RUNX2: variants seen among roughly 807,000 people sequenced by gnomAD.
RUNX2 encodes the protein runt-related transcription factor 2.
In RUNX2, 10 loss-of-function variants were observed where a neutral mutation model predicts 51.7. That is an observed-to-expected ratio of 0.19 (90% CI 0.12 to 0.33). The LOEUF is 0.33. Among genes scored for constraint, RUNX2 ranks in the 10% least tolerant of loss-of-function variants. RUNX2 has a pLI of 1.00. For synonymous variants in RUNX2, 276 were observed against 273.6 expected, an observed-to-expected ratio of 1.01 and a Z score of -0.09; for missense variants, 562 against 691.3, an observed-to-expected ratio of 0.81 and a Z score of 2.10.
intron 2 of RUNX2, among the ~76,000 whole-genome samples, chr6:45,401,904 A>G (rs1210491349): frequency 1.3e-5 from 2 of 152,220 alleles, no homozygotes; most frequent in African/African-American, 2.4e-5. Flanking sequence ...ATCCTTGTCA[A>G]CCACTCAGTG....
At chr6:45,335,565 G>A (rs1788379472) in intron 2 of RUNX2, among the ~76,000 whole-genome samples, 1 of 151,128 alleles carries the variant, frequency 6.6e-6, no homozygotes, top group African/African-American at 2.4e-5. Flanking sequence ...TAAACTGTCA[G>A]ATTACAGATA....
chr6:45,456,021 G>A (rs1381184651), intron 5 of RUNX2, among the ~76,000 whole-genome samples: 1 of 152,052 alleles, frequency 6.6e-6, no homozygotes, highest in Non-Finnish European at 1.5e-5. Context: ...GCTCAGTGCT[G>A]CCAATTATTT....
chr6:45,498,955 G>T (rs761384557), intron 6 of RUNX2, among the ~76,000 whole-genome samples: 5 of 152,178 alleles, frequency 3.3e-5, no homozygotes, highest in Admixed American at 6.5e-5. Flanking sequence ...GTGGGCCTGG[G>T]GTGATGTTGG....
chr6:45,455,664 G>A (rs1043901989), intron 5 of RUNX2, among the ~76,000 whole-genome samples: 1 of 152,182 alleles, frequency 6.6e-6, no homozygotes, highest in Non-Finnish European at 1.5e-5. Context: ...AGCACAGTGT[G>A]AAGTGTGATG....
chr6:45,479,373 T>C (rs888742859), intron 5 of RUNX2, among the ~76,000 whole-genome samples: 2 of 152,196 alleles, frequency 1.3e-5, no homozygotes, highest in Admixed American at 6.5e-5. Context: ...AAGGTACGTT[T>C]CTATTGCAAA....
At chr6:45,454,371 A>G (rs1316185090) in intron 5 of RUNX2, among the ~76,000 whole-genome samples, 2 of 152,252 alleles carry the variant, frequency 1.3e-5, no homozygotes, top group Non-Finnish European at 2.9e-5. Context: ...CTGAAGGATG[A>G]AATGTAGCTT....
intron 2 of RUNX2, among the ~76,000 whole-genome samples, chr6:45,354,349 A>G (rs927431800): frequency 6.6e-6 from 1 of 152,218 alleles, no homozygotes; most frequent in African/African-American, 2.4e-5. Flanking sequence ...AAAAAAGGAC[A>G]GTTGCCAAAA....
At chr6:45,330,522 AACAAC>A (rs755800862) in intron 2 of RUNX2, among the ~76,000 whole-genome samples, 1 of 152,008 alleles carries the variant, frequency 6.6e-6, no homozygotes, top group Non-Finnish European at 1.5e-5. Context: ...CCAGATCAGG[AACAAC>A]ACAAGTTTCA....
intron 5 of RUNX2, among the ~76,000 whole-genome samples, chr6:45,470,519 T>C (rs886095022): frequency 6.6e-6 from 1 of 152,208 alleles, no homozygotes; most frequent in Non-Finnish European, 1.5e-5. Flanking sequence ...AAGTGTATGA[T>C]AAATGTCACA....
chr6:45,498,446 C>T (rs1254569064), intron 6 of RUNX2, among the ~76,000 whole-genome samples: 1 of 152,130 alleles, frequency 6.6e-6, no homozygotes, highest in Non-Finnish European at 1.5e-5. Context: ...TCCTGCAGGA[C>T]TAATTTCTTT....
At chr6:45,399,048 T>G (rs542077444) in intron 2 of RUNX2, among the ~76,000 whole-genome samples, 11 of 152,330 alleles carry the variant, frequency 7.2e-5, no homozygotes, top group African/African-American at 2.4e-4. Context: ...ATCATTGAGC[T>G]ACCTGTAACA....
At chr6:45,416,554 A>G (rs1582088095) in intron 2 of RUNX2, among the ~76,000 whole-genome samples, 1 of 152,202 alleles carries the variant, frequency 6.6e-6, no homozygotes, top group East Asian at 1.9e-4. Flanking sequence ...GACCTCTGTA[A>G]ACTTTTATAT....
chr6:45,395,912 G>A (rs1221195570), intron 2 of RUNX2, among the ~76,000 whole-genome samples: 1 of 151,998 alleles, frequency 6.6e-6, no homozygotes, highest in African/African-American at 2.4e-5. Flanking sequence ...GTGATCCACT[G>A]GCCTCGGCCT....
intron 6 of RUNX2, among the ~76,000 whole-genome samples, chr6:45,511,578 ATGAGAGTAACGTAAC>A (rs980147234): frequency 4.1e-4 from 62 of 152,246 alleles, no homozygotes; most frequent in African/African-American, 1.4e-3. Flanking sequence ...TAGCTTTAGC[ATGAGAGTAACGTAAC>A]TGGCTTCCCT....
intron 2 of RUNX2, among the ~76,000 whole-genome samples, chr6:45,404,976 ATT>A (rs1342914341): frequency 6.6e-6 from 1 of 152,246 alleles, no homozygotes; most frequent in Admixed American, 6.5e-5. Flanking sequence ...AAAATTTTTC[ATT>A]GAGAGGAGTT....
At chr6:45,340,181 C>T (rs1177519548) in intron 2 of RUNX2, among the ~76,000 whole-genome samples, 1 of 152,060 alleles carries the variant, frequency 6.6e-6, no homozygotes, top group African/African-American at 2.4e-5. Flanking sequence ...AGTTATTAAA[C>T]CAATAAAATA....
At chr6:45,450,043 T>C (rs1010417020) in intron 5 of RUNX2, among the ~76,000 whole-genome samples, 7 of 152,182 alleles carry the variant, frequency 4.6e-5, no homozygotes, top group African/African-American at 1.2e-4. Context: ...TTATGAAAGA[T>C]AACAGAAGTT....
chr6:45,373,913 C>T (rs1796433754), intron 2 of RUNX2, among the ~76,000 whole-genome samples: 1 of 152,202 alleles, frequency 6.6e-6, no homozygotes, highest in Non-Finnish European at 1.5e-5. Context: ...CTATTATACA[C>T]TATCCATGCT....
intron 7 of RUNX2, among the ~76,000 whole-genome samples, chr6:45,533,163 G>C (rs1801917082): frequency 1.3e-5 from 2 of 151,638 alleles, no homozygotes; most frequent in Non-Finnish European, 2.9e-5. Context: ...TGTGTGTTGA[G>C]AGGGGAATGT....
Sources: gnomAD v4.1 joint callset for allele counts (sites outside exome capture counted in the v4.1 genomes callset) on GRCh38, gnomAD v4.1.1 for gene constraint, MANE v1.5 for transcripts, NCBI Gene and HGNC (gene_info 2026-07-23, HGNC 2026-07-21) for gene names.